Variants in VAPB observed in about 807,000 individuals in gnomAD.
VAPB encodes vesicle-associated membrane protein-associated protein B/C.
VAPB carries 7 observed loss-of-function variants against 25.6 expected under a neutral mutation model. The observed-to-expected ratio is 0.27, with a 90% CI of 0.16 to 0.51. VAPB has a LOEUF of 0.51. Ranked by LOEUF, VAPB falls within the 20% of genes least tolerant of loss-of-function variation. VAPB has a pLI of 0.97. For synonymous variants in VAPB, 112 were observed against 109.2 expected, an observed-to-expected ratio of 1.03 and a Z score of -0.16; for missense variants, 266 against 301.3, an observed-to-expected ratio of 0.88 and a Z score of 0.87.
rs553223065 is a variant in VAPB, at chr20:58,444,987, A to G, written c.*752A>G. 2.2e-5 allele frequency: 10 copies of G among 454,726 alleles called. No homozygotes were observed. In the East Asian group the frequency reaches 4.2e-4, roughly 19 times the overall value. 28.2% of individuals were successfully genotyped at this position (454,726 alleles called of 1,614,324 possible). ...TTTCATCTCATGTTTTCTTATTGTC[A>G]CAAGAGTACAGTTAATGCTGCGTGC... is the stretch of plus-strand genomic sequence containing the variant. On this transcript the variant is annotated 3_prime_UTR_variant, in exon 6 of 6. Transcript: ENST00000475243.
At chr20:58,395,425 A>G (rs1180775282) in intron 1 of VAPB, among the ~76,000 whole-genome samples, 2 of 152,182 alleles carry the variant, frequency 1.3e-5, no homozygotes, top group Non-Finnish European at 2.9e-5. Context: ...CTGGGATTAC[A>G]GACATGAGCC....
At chr20:58,435,795 T>A (rs1989031865) in intron 3 of VAPB, among the ~76,000 whole-genome samples, 1 of 152,226 alleles carries the variant, frequency 6.6e-6, no homozygotes, top group Non-Finnish European at 1.5e-5. Flanking sequence ...GAAAACTTTC[T>A]CTGATTTTCT....
chr20:58,438,894 T>C (rs376333985), intron 3 of VAPB, 51 bp from the exon 4 acceptor site: 165 of 1,498,664 alleles, frequency 1.1e-4, no homozygotes, highest in Non-Finnish European at 1.4e-4. Context: ...AAGAAAGTTA[T>C]TCTTCCAGCA....
intron 3 of VAPB, 142 bp downstream of exon 3, chr20:58,434,847 T>C: frequency 1.6e-6 from 1 of 628,936 alleles, no homozygotes; most frequent in Non-Finnish European, 2.8e-6. Flanking sequence ...GTTTGTACTT[T>C]ATCTACCTTT....
intron 1 of VAPB, among the ~76,000 whole-genome samples, chr20:58,408,908 G>A (rs376239878): frequency 4.2e-4 from 26 of 61,224 alleles, no homozygotes; most frequent in Middle Eastern, 0.01. Context: ...CCCCCACCCC[G>A]CCCCCCACTC....
At chr20:58,429,516 G>A (rs1988880317) in intron 2 of VAPB, among the ~76,000 whole-genome samples, 1 of 152,216 alleles carries the variant, frequency 6.6e-6, no homozygotes, top group African/African-American at 2.4e-5. Flanking sequence ...GAGCTGTGCT[G>A]GTGACATCTG....
chr20:58,434,479 G>A (rs73181495), intron 2 of VAPB, 123 bp from the exon 3 acceptor site: 54 of 689,712 alleles, frequency 7.8e-5, no homozygotes, highest in Admixed American at 2.0e-4. Context: ...CACCAGGGGC[G>A]TCCATCCTAA....
intron 2 of VAPB, among the ~76,000 whole-genome samples, chr20:58,422,511 A>G (rs1221991991): frequency 6.6e-6 from 1 of 152,216 alleles, no homozygotes. Context: ...GCTTTACAAA[A>G]TTAAATCTAT....
intron 1 of VAPB, among the ~76,000 whole-genome samples, chr20:58,397,381 T>A (rs1327441304): frequency 6.6e-6 from 1 of 152,012 alleles, no homozygotes; most frequent in Non-Finnish European, 1.5e-5. Flanking sequence ...TAGCCGGGCA[T>A]GGTAGCGCAT....
chr20:58,418,513 C>G (rs1311419215), intron 2 of VAPB, 150 bp downstream of exon 2: 1 of 1,028,878 alleles, frequency 9.7e-7, no homozygotes, highest in Non-Finnish European at 1.4e-6. Context: ...CCCCACAACC[C>G]TCCACCCCGT....
At chr20:58,390,107 A>C (rs952919841) in intron 1 of VAPB, 6 of 152,316 alleles carry the variant, frequency 3.9e-5, no homozygotes, top group Non-Finnish European at 7.3e-5. Flanking sequence ...CCTAGTAAAT[A>C]AATACCTGTT....
chr20:58,444,320 AAATT>A lies in VAPB; in HGVS notation c.*89_*92del, dbSNP rs759056622. On this transcript the variant is annotated 3_prime_UTR_variant, in exon 6 of 6. Transcript: ENST00000475243. ...ATTTATCATAACCATGTGTAAAAAG[AAATT>A]AATGTATGATGACATCTCACAGGTC... The A allele has an allele frequency of 6.2e-7, 1 of 1,602,146 alleles. No homozygotes were observed.
At chr20:58,400,584 C>A (rs1332329752) in intron 1 of VAPB, among the ~76,000 whole-genome samples, 2 of 152,148 alleles carry the variant, frequency 1.3e-5, no homozygotes, top group East Asian at 3.8e-4. Context: ...GCTTGGCTTT[C>A]ACTGCTAGAA....
intron 2 of VAPB, among the ~76,000 whole-genome samples, chr20:58,427,180 T>C (rs6026265): frequency 0.014 from 1,246 of 86,534 alleles, 1 homozygote; most frequent in East Asian, 0.032. Flanking sequence ...GAAAGTGATC[T>C]GTGATCTGTT....
chr20:58,393,949 C>G (rs1219070760), intron 1 of VAPB, among the ~76,000 whole-genome samples: 1 of 152,212 alleles, frequency 6.6e-6, no homozygotes, highest in Non-Finnish European at 1.5e-5. Flanking sequence ...TCAGGCTGGT[C>G]TCGAACTCCC....
Position 58,450,278 on chromosome 20 carries a change from T to C in VAPB, c.*6043T>C, listed in dbSNP as rs1284131891. On this transcript the variant is annotated 3_prime_UTR_variant, in exon 6 of 6. Coordinates refer to ENST00000475243, the MANE Select transcript of VAPB (RefSeq NM_004738.5). ...AGGTCAGAATTTATTGTCTGTGATATTGAGACCATGTGTACAAGAACTACT... is the reference window on the plus strand; with the variant it reads ...AGGTCAGAATTTATTGTCTGTGATACTGAGACCATGTGTACAAGAACTACT... The C allele has an allele frequency of 4.4e-6, 2 of 453,428 alleles. No individual in the cohort carries two copies. Among genetic ancestry groups the C allele is most frequent in the East Asian group, 6.9e-5 (1 of 14,404 alleles). The allele number at this position is 453,428 out of a possible 1,614,324, so 28.1% of individuals were successfully genotyped here. A position where few individuals can be genotyped will look rare whatever the true frequency, so the allele number is the denominator to read the frequency against.
intron 1 of VAPB, among the ~76,000 whole-genome samples, chr20:58,398,698 C>G (rs539924721): frequency 6.6e-6 from 1 of 152,174 alleles, no homozygotes; most frequent in South Asian, 2.1e-4. Context: ...TTACACTGTG[C>G]GCTTGCCATT....
At chr20:58,441,212 C>T in intron 5 of VAPB, 129 bp downstream of exon 5, 1 of 1,033,892 alleles carries the variant, frequency 9.7e-7, no homozygotes, top group Non-Finnish European at 1.4e-6. Flanking sequence ...ATTTTTTTCT[C>T]CCCAGGGAGA....
At chr20:58,426,994 T>G (rs1385324753) in intron 2 of VAPB, among the ~76,000 whole-genome samples, 1 of 152,124 alleles carries the variant, frequency 6.6e-6, no homozygotes, top group Non-Finnish European at 1.5e-5. Context: ...CAGGCGAAAG[T>G]GATCTGTGAT....
Sources: allele counts gnomAD v4.1 joint callset (sites outside exome capture counted in the v4.1 genomes callset), GRCh38; gene constraint gnomAD v4.1.1; transcripts MANE v1.5; gene names NCBI Gene and HGNC (gene_info 2026-07-23, HGNC 2026-07-21).